The following MTUS2 variants were observed in gnomAD, a reference collection of about 807,000 sequenced individuals.
The protein encoded by MTUS2 is microtubule associated scaffold protein 2, also known as microtubule-associated tumor suppressor candidate 2.
Under a neutral mutation model 114.1 loss-of-function variants are expected in MTUS2, and 40 were observed. The ratio of observed to expected loss-of-function variants is 0.35; its 90% CI spans 0.27 to 0.46. The LOEUF (loss-of-function observed/expected upper bound fraction) is 0.46, where lower values mean the gene tolerates loss of function less well. Ranked by LOEUF, MTUS2 falls within the 20% of genes least tolerant of loss-of-function variation. The pLI is 1.00. For synonymous variants in MTUS2, 688 were observed against 672.0 expected (o/e 1.02, Z -0.37); for missense variants, 1,679 against 1,705.4 (o/e 0.98, Z 0.27).
intron 9 of MTUS2, among the ~76,000 whole-genome samples, chr13:29,454,181 A>G (rs182539249): frequency 6.6e-6 from 1 of 152,332 alleles, no homozygotes; most frequent in Admixed American, 6.5e-5. Flanking sequence ...GTAGGTGACT[A>G]CTACTGAAGC....
chr13:29,094,653 C>G (rs1171377027), intron 4 of MTUS2, among the ~76,000 whole-genome samples: 1 of 151,864 alleles, frequency 6.6e-6, no homozygotes, highest in Non-Finnish European at 1.5e-5. Context: ...TTGGCTTTCT[C>G]TCCTGTTTTT....
intron 5 of MTUS2, among the ~76,000 whole-genome samples, chr13:29,141,717 G>A (rs746114887): frequency 2.0e-5 from 3 of 152,114 alleles, no homozygotes; most frequent in Non-Finnish European, 2.9e-5. Context: ...AAAGAAATGT[G>A]GCATTAGCCA....
chr13:28,920,226 T>A (rs2138048900), intron 2 of MTUS2, among the ~76,000 whole-genome samples: 1 of 152,364 alleles, frequency 6.6e-6, no homozygotes, highest in East Asian at 1.9e-4. Flanking sequence ...CAGTCTGGGC[T>A]TGTTTTTGCC....
chr13:29,320,527 C>A (rs1231184922), intron 6 of MTUS2, among the ~76,000 whole-genome samples: 2 of 152,192 alleles, frequency 1.3e-5, no homozygotes, highest in Non-Finnish European at 2.9e-5. Context: ...CACTCAGCCT[C>A]CGTGAACAGC....
At chr13:28,856,050 A>T (rs953003299) in intron 2 of MTUS2, among the ~76,000 whole-genome samples, 1 of 152,128 alleles carries the variant, frequency 6.6e-6, no homozygotes, top group African/African-American at 2.4e-5. Flanking sequence ...CCGCACATCT[A>T]TGTACCCTGG....
At chr13:29,028,612 G>C (rs189488591) in intron 3 of MTUS2, among the ~76,000 whole-genome samples, 1 of 151,754 alleles carries the variant, frequency 6.6e-6, no homozygotes, top group African/African-American at 2.4e-5. Context: ...TTAGGTCTGT[G>C]TTCCAATGTT....
intron 2 of MTUS2, among the ~76,000 whole-genome samples, chr13:28,872,881 T>A (rs2496116): frequency 1 from 152,275 of 152,328 alleles, 76,111 homozygotes; most frequent in Middle Eastern, 1. Context: ...TTGATGAGAT[T>A]ATGGCTGAGA....
At position 29,359,398 on chromosome 13, in the gene MTUS2, T is replaced by TG; in HGVS notation, c.3043dup (p.Ala1015GlyfsTer13). 6.2e-7 allele frequency: 1 copy of TG among 1,613,712 alleles called. No individual in the cohort carries two copies. The highest frequency in any genetic ancestry group is 8.5e-7 in the Non-Finnish European group (1 of 1,179,802). On this transcript the variant is annotated frameshift_variant, in exon 8 of 16. Coordinates refer to ENST00000612955, the MANE Select transcript of MTUS2 (RefSeq NM_001033602.4). LOFTEE classifies it high-confidence loss of function. ...AGCAGCAGACCAGACAGCTGGGCGT[T>TG]GCGCAAGGGGAGCTGAAGAGGGCCA...
intron 10 of MTUS2, among the ~76,000 whole-genome samples, chr13:29,482,938 G>A (rs1881304984): frequency 1.3e-5 from 2 of 152,202 alleles, no homozygotes; most frequent in Non-Finnish European, 2.9e-5. Flanking sequence ...CAGGAAGTGA[G>A]GAAGATGAAA....
At chr13:29,405,193 T>A (rs147727589) in intron 8 of MTUS2, among the ~76,000 whole-genome samples, 183 of 152,296 alleles carry the variant, frequency 1.2e-3, no homozygotes, top group African/African-American at 4.3e-3. Context: ...TAACTTAATG[T>A]CCTTGGAGAA....
At chr13:28,932,635 A>G (rs563124041) in intron 2 of MTUS2, among the ~76,000 whole-genome samples, 6 of 152,288 alleles carry the variant, frequency 3.9e-5, no homozygotes, top group Non-Finnish European at 8.8e-5. Flanking sequence ...ACCCACCTCA[A>G]CCTGGAGCCC....
Position 29,078,042 on chromosome 13 carries a change from CT to C in MTUS2, c.2447-22727del, listed in dbSNP as rs202160228. 5.2e-3 allele frequency among the ~76,000 whole-genome samples: 785 copies of C among 152,200 alleles called. 24 individuals carry two copies. Among genetic ancestry groups the C allele is most frequent in the Admixed American group, 0.045 (688 of 15,276 alleles). ...ATATTATTTTGAAAGAACAACACAT[CT>C]TTTAAAAGTTCAGCAGCAGCACAAT... On this transcript the variant is annotated intron_variant, in intron 4 of 15. Transcript: ENST00000612955.
chr13:29,149,949 T>C (rs1892600835), intron 5 of MTUS2, among the ~76,000 whole-genome samples: 1 of 152,190 alleles, frequency 6.6e-6, no homozygotes, highest in Non-Finnish European at 1.5e-5. Context: ...TTGGGTAGTG[T>C]GATGCTTCCA....
chr13:28,937,084 C>T (rs1003366837), intron 2 of MTUS2, among the ~76,000 whole-genome samples: 1 of 152,068 alleles, frequency 6.6e-6, no homozygotes, highest in Non-Finnish European at 1.5e-5. Flanking sequence ...CAGTGATGCT[C>T]AGAAGGAGGA....
At chr13:28,822,711 G>GA (rs11383304) in intron 1 of MTUS2, among the ~76,000 whole-genome samples, 74,990 of 151,662 alleles carry the variant, frequency 0.49, 19,153 homozygotes, top group Non-Finnish European at 0.53. Context: ...TTTAAATAAG[G>GA]AGAGTACTCT....
At chr13:29,133,214 G>A (rs147546859) in intron 5 of MTUS2, among the ~76,000 whole-genome samples, 31 of 152,040 alleles carry the variant, frequency 2.0e-4, no homozygotes, top group African/African-American at 6.7e-4. Flanking sequence ...GGTATTGTTT[G>A]TTTTTTGTTA....
At chr13:29,322,377 C>T (rs554682972) in intron 6 of MTUS2, among the ~76,000 whole-genome samples, 1 of 152,278 alleles carries the variant, frequency 6.6e-6, no homozygotes, top group East Asian at 1.9e-4. Context: ...GTACCCGTGA[C>T]TTCAGCAGAG....
intron 2 of MTUS2, among the ~76,000 whole-genome samples, chr13:28,988,001 C>T (rs1884665942): frequency 6.6e-6 from 1 of 152,208 alleles, no homozygotes; most frequent in Non-Finnish European, 1.5e-5. Context: ...AACCCCAGGC[C>T]ATACCTTGGA....
At chr13:28,887,579 T>C (rs879403485) in intron 2 of MTUS2, among the ~76,000 whole-genome samples, 2 of 152,154 alleles carry the variant, frequency 1.3e-5, no homozygotes, top group Admixed American at 6.5e-5. Flanking sequence ...GCTTTGAAGC[T>C]GAGGAAGAGG....
Sources: gnomAD v4.1 joint callset for allele counts (sites outside exome capture counted in the v4.1 genomes callset) on GRCh38, gnomAD v4.1.1 for gene constraint, MANE v1.5 for transcripts, NCBI Gene and HGNC (gene_info 2026-07-23, HGNC 2026-07-21) for gene names.